GPATCH2: variants seen among roughly 807,000 people sequenced by gnomAD.
GPATCH2 encodes the protein G-patch domain containing 2.
A neutral mutation model predicts 58.0 loss-of-function variants in GPATCH2; 51 were observed. The ratio of observed to expected loss-of-function variants is 0.88; its 90% CI spans 0.70 to 1.11. The LOEUF (loss-of-function observed/expected upper bound fraction) is 1.11. GPATCH2 is among the 50% of genes most tolerant of loss of function. The probability of loss-of-function intolerance (pLI) is 0.00; values close to 1 mark genes in which losing one functional copy is unlikely to be tolerated. For missense variants in GPATCH2, 625 were observed against 652.2 expected (o/e 0.96, Z 0.45); for synonymous variants, 222 against 218.5 (o/e 1.02, Z -0.14).
chr1:217,557,810 C>T (rs936505997), intron 5 of GPATCH2, among the ~76,000 whole-genome samples: 61 of 152,262 alleles, frequency 4.0e-4, no homozygotes, highest in African/African-American at 1.4e-3. Context: ...TACTATACTG[C>T]CCATTAATGT....
chr1:217,599,108 T>C (rs1667993522), intron 5 of GPATCH2, among the ~76,000 whole-genome samples: 1 of 152,094 alleles, frequency 6.6e-6, no homozygotes. Context: ...TGGTTGAATA[T>C]GAGAAGGCTG....
chr1:217,442,364 A>T (rs1421530097), intron 9 of GPATCH2, among the ~76,000 whole-genome samples: 1 of 152,136 alleles, frequency 6.6e-6, no homozygotes, highest in Admixed American at 6.5e-5. Context: ...TAGGGAAGGG[A>T]TAGCATTAGG....
chr1:217,559,443 T>A (rs961459147), intron 5 of GPATCH2, among the ~76,000 whole-genome samples: 3 of 152,192 alleles, frequency 2.0e-5, no homozygotes, highest in Non-Finnish European at 4.4e-5. Flanking sequence ...AACTCCTTTT[T>A]CTACTACTCC....
At chr1:217,627,016 G>C (rs1669500138) in intron 1 of GPATCH2, among the ~76,000 whole-genome samples, 1 of 151,806 alleles carries the variant, frequency 6.6e-6, no homozygotes, top group East Asian at 1.9e-4. Context: ...AAACTACAGA[G>C]AACATGAGCT....
At position 217,609,215 on chromosome 1, in the gene GPATCH2, G is replaced by T. The variant is rs1026340237; in HGVS notation, c.1098+1106C>A. 1.3e-5 allele frequency: 13 copies of T among 982,568 alleles called. No individual in the cohort carries two copies. The African/African-American group carries it at 2.3e-4, about 17-fold the overall frequency. The allele number at this position is 982,568 out of a possible 1,614,324, so 60.9% of individuals were successfully genotyped here. ...ATAGAAACATTACATTTTCCCCCCA[G>T]TTGGTGAAAATGAGCTCATGCAAGT... On this transcript the variant is annotated intron_variant, in intron 5 of 9. Transcript: ENST00000366935.
chr1:217,534,651 C>T (rs78983048), intron 5 of GPATCH2, among the ~76,000 whole-genome samples: 1 of 152,146 alleles, frequency 6.6e-6, no homozygotes, highest in East Asian at 1.9e-4. Context: ...CACTCACCAC[C>T]ACCCGGATTA....
At position 217,431,109 on chromosome 1, in the gene GPATCH2, G is replaced by T; in HGVS notation, c.*36C>A. On this transcript the variant is annotated 3_prime_UTR_variant, in exon 10 of 10. Coordinates refer to ENST00000366935, the MANE Select transcript of GPATCH2 (RefSeq NM_018040.5). ...TCATTTTAGAACAATGGGACATAGT[G>T]AATAAAGTCTGTAAAACATTTCTTC... 1 of 1,011,864 alleles carries T rather than the reference G, an allele frequency of 9.9e-7. No individual in the cohort carries two copies. The highest frequency in any genetic ancestry group is 1.6e-6 in the Non-Finnish European group (1 of 629,660). 62.7% of individuals were successfully genotyped at this position (1,011,864 alleles called of 1,614,324 possible). A position where few individuals can be genotyped will look rare whatever the true frequency, so the allele number is the denominator to read the frequency against.
intron 5 of GPATCH2, among the ~76,000 whole-genome samples, chr1:217,587,384 C>T (rs984481833): frequency 2.6e-5 from 4 of 152,032 alleles, no homozygotes; most frequent in Non-Finnish European, 5.9e-5. Flanking sequence ...TTTCCATATC[C>T]TACAAAATGA....
chr1:217,523,322 C>A lies in GPATCH2; in HGVS notation c.1099-8433G>T, dbSNP rs555142705. On this transcript the variant is annotated intron_variant, in intron 5 of 9. Coordinates refer to ENST00000366935, the MANE Select transcript of GPATCH2 (RefSeq NM_018040.5). The stretch of plus-strand genomic sequence containing the variant: ...TTTCCTAGGCAGAGGACCCTGCAGC[C>A]TTCCGCAGTGTTTGTGTCCCTGGGT... Among the ~76,000 whole-genome samples, 7 of 151,736 alleles carry A rather than the reference C, an allele frequency of 4.6e-5. 1 individual carries two copies. In the South Asian group the frequency reaches 1.5e-3, roughly 31 times the overall value.
intron 9 of GPATCH2, among the ~76,000 whole-genome samples, chr1:217,445,005 T>C (rs770044888): frequency 6.6e-6 from 1 of 152,126 alleles, no homozygotes; most frequent in Non-Finnish European, 1.5e-5. Flanking sequence ...TCAAGAAGAT[T>C]ATTTTCCTAT....
chr1:217,536,473 T>C (rs1410865696), intron 5 of GPATCH2, among the ~76,000 whole-genome samples: 2 of 152,218 alleles, frequency 1.3e-5, no homozygotes, highest in Non-Finnish European at 2.9e-5. Context: ...ACTCTCCATT[T>C]ATCCAAATAA....
chr1:217,628,981 T>G (rs1047407484), intron 1 of GPATCH2, among the ~76,000 whole-genome samples: 7 of 152,084 alleles, frequency 4.6e-5, no homozygotes, highest in Admixed American at 1.3e-4. Context: ...GGCCAGTTAC[T>G]TAAACCATCT....
intron 6 of GPATCH2, among the ~76,000 whole-genome samples, chr1:217,505,073 G>C (rs778628101): frequency 1.3e-4 from 20 of 152,276 alleles, no homozygotes; most frequent in Non-Finnish European, 2.4e-4. Context: ...GGAGTAGGGA[G>C]CACAGAAGAG....
At chr1:217,536,838 G>A (rs987148351) in intron 5 of GPATCH2, among the ~76,000 whole-genome samples, 3 of 152,216 alleles carry the variant, frequency 2.0e-5, no homozygotes, top group Non-Finnish European at 2.9e-5. Flanking sequence ...TTAGCCGGGC[G>A]TGGTGGTGCA....
At chr1:217,456,283 G>A (rs114868515) in intron 8 of GPATCH2, among the ~76,000 whole-genome samples, 3,251 of 152,258 alleles carry the variant, frequency 0.021, 112 homozygotes, top group African/African-American at 0.074. Flanking sequence ...TGTGGGGCCA[G>A]AGCCCCAAAG....
intron 7 of GPATCH2, among the ~76,000 whole-genome samples, chr1:217,496,712 A>G (rs1181808041): frequency 6.6e-6 from 1 of 152,208 alleles, no homozygotes; most frequent in Non-Finnish European, 1.5e-5. Context: ...ACACAAAACA[A>G]GGTTATGTAT....
chr1:217,441,866 A>T (rs1306020101), intron 9 of GPATCH2, among the ~76,000 whole-genome samples: 1 of 152,170 alleles, frequency 6.6e-6, no homozygotes, highest in Non-Finnish European at 1.5e-5. Flanking sequence ...GGATGTGGAG[A>T]AATAGGAACA....
intron 5 of GPATCH2, among the ~76,000 whole-genome samples, chr1:217,551,364 C>A (rs1665352440): frequency 6.6e-6 from 1 of 152,058 alleles, no homozygotes; most frequent in South Asian, 2.1e-4. Flanking sequence ...GCATCAGTAT[C>A]AATTGGGAAC....
intron 6 of GPATCH2, among the ~76,000 whole-genome samples, chr1:217,503,511 G>A (rs1229784736): frequency 6.6e-6 from 1 of 152,030 alleles, no homozygotes; most frequent in Non-Finnish European, 1.5e-5. Context: ...AATTAGCCTT[G>A]GACAGGAGAA....
Sources: allele counts gnomAD v4.1 joint callset (sites outside exome capture counted in the v4.1 genomes callset), GRCh38; gene constraint gnomAD v4.1.1; transcripts MANE v1.5; gene names NCBI Gene and HGNC (gene_info 2026-07-23, HGNC 2026-07-21).